COL14A1: variants seen among roughly 807,000 people sequenced by gnomAD.
COL14A1 encodes the protein collagen type XIV alpha 1 chain, also known as collagen alpha-1(XIV) chain.
Under a neutral mutation model 230.3 loss-of-function variants are expected in COL14A1, and 136 were observed. The observed-to-expected ratio is 0.59, with a 90% confidence interval of 0.51 to 0.68. The LOEUF is 0.68. Ranked by LOEUF, COL14A1 falls within the 30% of genes least tolerant of loss-of-function variation. COL14A1 has a pLI of 0.00. For missense variants in COL14A1, 1,976 were observed against 2,215.8 expected (o/e 0.89, Z 2.17); for synonymous variants, 792 against 784.1 (o/e 1.01, Z -0.17).
intron 1 of COL14A1, among the ~76,000 whole-genome samples, chr8:120,142,468 A>G (rs928335126): frequency 5.9e-5 from 9 of 152,130 alleles, no homozygotes; most frequent in African/African-American, 2.2e-4. Context: ...TTTACTAACC[A>G]TTTTCCCAAT....
At chr8:120,334,999 A>G (rs1822003041) in intron 42 of COL14A1, among the ~76,000 whole-genome samples, 1 of 152,222 alleles carries the variant, frequency 6.6e-6, no homozygotes, top group South Asian at 2.1e-4. Context: ...TGAGGTTCTT[A>G]TTCTTACTAG....
At chr8:120,298,600 TATATATATATATATATA>T in intron 35 of COL14A1, among the ~76,000 whole-genome samples, 1 of 38,934 alleles carries the variant, frequency 2.6e-5, no homozygotes, top group South Asian at 7.7e-4. Flanking sequence ...ATATATTTTA[TATATATATATATATATA>T]TATATATATA....
chr8:120,149,285 G>A (rs907561560), intron 2 of COL14A1, among the ~76,000 whole-genome samples: 1 of 152,202 alleles, frequency 6.6e-6, no homozygotes, highest in Non-Finnish European at 1.5e-5. Flanking sequence ...TTTAAGGGAG[G>A]CGTACCTGTT....
At chr8:120,310,955 A>C (rs1821014893) in intron 37 of COL14A1, among the ~76,000 whole-genome samples, 1 of 152,182 alleles carries the variant, frequency 6.6e-6, no homozygotes, top group South Asian at 2.1e-4. Flanking sequence ...TGCTTGACTT[A>C]CTGCTCAGTA....
intron 1 of COL14A1, among the ~76,000 whole-genome samples, chr8:120,132,563 A>ATTT (rs11371929): frequency 3.4e-5 from 5 of 146,206 alleles, no homozygotes; most frequent in East Asian, 2.0e-4. Flanking sequence ...TTTGTTTAGA[A>ATTT]TTTTTTTTTT....
At chr8:120,169,147 C>A (rs1816019531) in intron 5 of COL14A1, among the ~76,000 whole-genome samples, 1 of 152,154 alleles carries the variant, frequency 6.6e-6, no homozygotes, top group Admixed American at 6.5e-5. Context: ...TGAGCCACTG[C>A]ACCCTGCCGA....
At chr8:120,270,312 A>G (rs948346738) in intron 26 of COL14A1, 138 bp downstream of exon 26, 7 of 906,370 alleles carry the variant, frequency 7.7e-6, no homozygotes, top group Admixed American at 3.0e-5. Context: ...ATAGACAGGT[A>G]TGTGTTTGGA....
chr8:120,133,842 T>A (rs1814624671), intron 1 of COL14A1, among the ~76,000 whole-genome samples: 1 of 151,916 alleles, frequency 6.6e-6, no homozygotes, highest in Non-Finnish European at 1.5e-5. Context: ...AAGAAAGATA[T>A]CATCTACAGA....
chr8:120,195,620 C>T lies in COL14A1; in HGVS notation c.437-1171C>T, dbSNP rs138248025. On this transcript the variant is annotated intron_variant, in intron 5 of 47. Transcript: ENST00000297848. ...GGCTGGGGAGGCTTCACAATCATGG[C>T]GAAAGACAAAGGAGAAGCAAAGGCA... Among the ~76,000 whole-genome samples, 594 of 152,184 alleles carry T rather than the reference C, an allele frequency of 3.9e-3. 4 individuals carry two copies. Among genetic ancestry groups the T allele is most frequent in the African/African-American group, 9.7e-3 (404 of 41,510 alleles).
At chr8:120,210,014 A>T in intron 12 of COL14A1, 113 bp downstream of exon 12, 1 of 893,478 alleles carries the variant, frequency 1.1e-6, no homozygotes, top group Non-Finnish European at 1.5e-6. Flanking sequence ...ATTAGCCAAA[A>T]GAAAAAAAAA....
intron 28 of COL14A1, among the ~76,000 whole-genome samples, chr8:120,278,874 A>G (rs1470677848): frequency 1.3e-5 from 2 of 152,112 alleles, no homozygotes; most frequent in African/African-American, 4.8e-5. Flanking sequence ...CTTATTACAG[A>G]AACTCCTCAG....
At chr8:120,360,509 A>G (rs538432652) in intron 45 of COL14A1, among the ~76,000 whole-genome samples, 1 of 152,276 alleles carries the variant, frequency 6.6e-6, no homozygotes, top group South Asian at 2.1e-4. Flanking sequence ...CTCACCTGCA[A>G]GCCTTTGCGC....
chr8:120,203,021 T>TATATATATA (rs61499035), intron 8 of COL14A1, among the ~76,000 whole-genome samples: 57 of 141,536 alleles, frequency 4.0e-4, no homozygotes, highest in South Asian at 1.1e-3. Context: ...TATATATATA[T>TATATATATA]TTGTTCTAGC....
rs770747792 is a variant in COL14A1, at chr8:120,209,874, A to C, written c.1440A>C (p.Thr480=). The part of the protein sequence containing the change: ...SGYLILYAPL[T]EGLAGDEKEM... ...ACCTGATCCTTTATGCTCCTCTAACAGAGGGCCTGGCTGGGGATGAAAAAG... is the reference window on the plus strand; with the variant it reads ...ACCTGATCCTTTATGCTCCTCTAACCGAGGGCCTGGCTGGGGATGAAAAAG... Residue 480 remains threonine, a synonymous_variant, in exon 12 of 48, where the codon ACA becomes ACC. Coordinates refer to ENST00000297848, the MANE Select transcript of COL14A1 (RefSeq NM_021110.4). The C allele has an allele frequency of 6.2e-7, 1 of 1,611,138 alleles. No individual in the cohort carries two copies. The highest frequency in any genetic ancestry group is 8.5e-7 in the Non-Finnish European group (1 of 1,178,796).
chr8:120,193,262 A>G (rs183540733), intron 5 of COL14A1, among the ~76,000 whole-genome samples: 131 of 152,186 alleles, frequency 8.6e-4, no homozygotes, highest in African/African-American at 3.1e-3. Context: ...TTTCCTTCTA[A>G]CAGACAGGAC....
At chr8:120,210,623 A>G (rs1421942994) in intron 12 of COL14A1, among the ~76,000 whole-genome samples, 1 of 152,178 alleles carries the variant, frequency 6.6e-6, no homozygotes, top group Non-Finnish European at 1.5e-5. Flanking sequence ...CTCATTTTTA[A>G]TTTGTAGTGG....
At chr8:120,226,890 T>G (rs1442137614) in intron 16 of COL14A1, 124 bp downstream of exon 16, 2 of 881,818 alleles carry the variant, frequency 2.3e-6, no homozygotes, top group African/African-American at 3.4e-5. Flanking sequence ...TTTACATGGC[T>G]TGGAGTTTTA....
At chr8:120,348,718 G>C (rs1822630009) in intron 45 of COL14A1, among the ~76,000 whole-genome samples, 1 of 152,072 alleles carries the variant, frequency 6.6e-6, no homozygotes, top group Non-Finnish European at 1.5e-5. Context: ...CATTCAGTTT[G>C]GATAGTTTTT....
intron 19 of COL14A1, among the ~76,000 whole-genome samples, chr8:120,237,214 C>T (rs28889138): frequency 6.6e-6 from 1 of 152,192 alleles, no homozygotes; most frequent in Non-Finnish European, 1.5e-5. Flanking sequence ...TTTCCAACTT[C>T]GTTCCATTCT....
Sources: allele counts gnomAD v4.1 joint callset (sites outside exome capture counted in the v4.1 genomes callset), GRCh38; gene constraint gnomAD v4.1.1; transcripts MANE v1.5; gene names NCBI Gene and HGNC (gene_info 2026-07-23, HGNC 2026-07-21).